Variants in NPAS3 observed in about 807,000 individuals in gnomAD.
NPAS3 encodes the protein neuronal PAS domain protein 3.
In NPAS3, 14 loss-of-function variants were observed where a neutral mutation model predicts 73.1. The ratio of observed to expected loss-of-function variants is 0.19; its 90% CI spans 0.13 to 0.30. The LOEUF is 0.30. Ranked by LOEUF, NPAS3 falls within the 10% of genes least tolerant of loss-of-function variation. NPAS3 has a pLI of 1.00. For missense variants in NPAS3, 1,096 were observed against 1,250.0 expected, an observed-to-expected ratio of 0.88 and a Z score of 1.86; for synonymous variants, 620 against 541.5, an observed-to-expected ratio of 1.14 and a Z score of -2.01.
intron 2 of NPAS3, among the ~76,000 whole-genome samples, chr14:33,147,222 T>A (rs1036123475): frequency 2.6e-5 from 4 of 152,188 alleles, no homozygotes; most frequent in African/African-American, 9.6e-5. Context: ...AAAAATGCCC[T>A]TGCTGAAGTG....
chr14:33,367,398 C>T, intron 4 of NPAS3, 130 bp downstream of exon 4: 1 of 527,258 alleles, frequency 1.9e-6, no homozygotes, highest in Non-Finnish European at 3.4e-6. Context: ...TCTTGAAATT[C>T]CGAAATTCTT....
chr14:33,782,587 T>A (rs1365908015), intron 9 of NPAS3, among the ~76,000 whole-genome samples: 1 of 152,176 alleles, frequency 6.6e-6, no homozygotes, highest in Non-Finnish European at 1.5e-5. Flanking sequence ...TTCCTTTCTC[T>A]TTATGATGTT....
intron 6 of NPAS3, among the ~76,000 whole-genome samples, chr14:33,695,606 C>T (rs1388780428): frequency 2.0e-5 from 3 of 152,120 alleles, no homozygotes; most frequent in Non-Finnish European, 4.4e-5. Flanking sequence ...GGTAGCACTC[C>T]AATAGTTCAA....
At chr14:33,558,950 A>G (rs1195864676) in intron 4 of NPAS3, among the ~76,000 whole-genome samples, 1 of 152,094 alleles carries the variant, frequency 6.6e-6, no homozygotes, top group Non-Finnish European at 1.5e-5. Context: ...AAGCAAAACA[A>G]AAGACATGCG....
At chr14:33,139,332 A>T (rs946195757) in intron 2 of NPAS3, among the ~76,000 whole-genome samples, 6 of 152,148 alleles carry the variant, frequency 3.9e-5, no homozygotes, top group African/African-American at 1.4e-4. Context: ...CATACCATTC[A>T]ATCAGTTTTT....
intron 3 of NPAS3, among the ~76,000 whole-genome samples, chr14:33,294,117 G>A (rs144738193): frequency 2.0e-4 from 31 of 152,202 alleles, no homozygotes; most frequent in African/African-American, 4.8e-4. Flanking sequence ...TGGGTAGCTG[G>A]GATGGTCTAT....
At chr14:33,251,221 GC>G (rs1230957403) in intron 3 of NPAS3, among the ~76,000 whole-genome samples, 6 of 152,086 alleles carry the variant, frequency 3.9e-5, no homozygotes, top group Non-Finnish European at 8.8e-5. Context: ...TCTTTTCCTA[GC>G]CGTTTTCCTT....
rs1158021339 is a variant in NPAS3 at position 33,800,611 on chromosome 14, C to G, written c.2304C>G (p.Gly768=). Residue 768 remains glycine, a synonymous_variant, in exon 12 of 12, where the codon GGC becomes GGG. Coordinates refer to ENST00000356141, the Ensembl canonical transcript of NPAS3. The surrounding 1 kb of genome is among the most constrained non-coding windows in gnomAD (Gnocchi z 6.5). ...CCGGGAACGGCGGCGGGGGCGGGGG[C>G]GGGGGCGGCGGCGCGGGGGGCGGCG... 2.3e-6 allele frequency: 3 copies of G among 1,331,782 alleles called. No homozygotes were observed. Among genetic ancestry groups the G allele is most frequent in the Admixed American group, 8.3e-5 (2 of 24,232 alleles). 82.5% of individuals were successfully genotyped at this position (1,331,782 alleles called of 1,614,324 possible).
intron 4 of NPAS3, among the ~76,000 whole-genome samples, chr14:33,509,387 G>C (rs1274921454): frequency 6.6e-6 from 1 of 151,980 alleles, no homozygotes; most frequent in Non-Finnish European, 1.5e-5. Context: ...AGATGAAAAA[G>C]CTGAGGACCC....
intron 2 of NPAS3, among the ~76,000 whole-genome samples, chr14:33,105,679 A>C (rs2042702130): frequency 1.3e-5 from 2 of 151,624 alleles, no homozygotes; most frequent in South Asian, 4.1e-4. Context: ...AATCAGTCCC[A>C]AATTAGTGCT....
At chr14:33,398,430 GT>G (rs1399653374) in intron 4 of NPAS3, among the ~76,000 whole-genome samples, 1 of 150,132 alleles carries the variant, frequency 6.7e-6, no homozygotes, top group Admixed American at 6.7e-5. Flanking sequence ...AAAAGTACAG[GT>G]AAAACCCAGT....
intron 4 of NPAS3, among the ~76,000 whole-genome samples, chr14:33,511,116 A>C (rs1439590611): frequency 6.6e-6 from 1 of 152,088 alleles, no homozygotes; most frequent in Non-Finnish European, 1.5e-5. Flanking sequence ...GAAAGTTTTC[A>C]GCACAGCGTT....
At chr14:33,642,668 C>T (rs1311033452) in intron 5 of NPAS3, among the ~76,000 whole-genome samples, 1 of 152,168 alleles carries the variant, frequency 6.6e-6, no homozygotes, top group African/African-American at 2.4e-5. Flanking sequence ...AGAAAAACTG[C>T]ATTGTGCCTG....
chr14:32,939,468 G>C, intron 1 of NPAS3, 102 bp downstream of exon 1: 1 of 290,424 alleles, frequency 3.4e-6, no homozygotes, highest in Non-Finnish European at 6.2e-6. Flanking sequence ...CGCCTCCTGG[G>C]CCGCGAGCCC....
At chr14:33,549,470 G>T (rs891199494) in intron 4 of NPAS3, among the ~76,000 whole-genome samples, 2 of 152,166 alleles carry the variant, frequency 1.3e-5, no homozygotes, top group Non-Finnish European at 2.9e-5. Context: ...CTGAGCTCAA[G>T]CGATTCGCCT....
chr14:33,178,114 C>T (rs929741862), intron 2 of NPAS3, among the ~76,000 whole-genome samples: 9 of 129,322 alleles, frequency 7.0e-5, no homozygotes, highest in African/African-American at 8.8e-5. Flanking sequence ...CTTGCTCTGT[C>T]GCCAGGTTGG....
intron 4 of NPAS3, among the ~76,000 whole-genome samples, chr14:33,424,874 A>G (rs2048493908): frequency 6.6e-6 from 1 of 152,048 alleles, no homozygotes; most frequent in African/African-American, 2.4e-5. Flanking sequence ...TATGGGCACC[A>G]TCTGTAAACA....
intron 3 of NPAS3, among the ~76,000 whole-genome samples, chr14:33,317,121 A>G (rs1189053819): frequency 6.6e-6 from 1 of 152,084 alleles, no homozygotes; most frequent in African/African-American, 2.4e-5. Flanking sequence ...AAGAAAACAT[A>G]ATAATGGGGA....
intron 2 of NPAS3, among the ~76,000 whole-genome samples, chr14:33,163,538 G>A (rs926518044): frequency 2.0e-5 from 3 of 151,906 alleles, no homozygotes; most frequent in Non-Finnish European, 1.5e-5. Context: ...CTATTGATAT[G>A]GGCTGGATAC....
Sources: gnomAD v4.1 joint callset for allele counts (sites outside exome capture counted in the v4.1 genomes callset) on GRCh38, gnomAD v4.1.1 for gene constraint, Gnocchi (gnomAD v3.1) non-coding constraint, MANE v1.5 for transcripts, NCBI Gene and HGNC (gene_info 2026-07-23, HGNC 2026-07-21) for gene names.